TBCD: variants seen among roughly 807,000 people sequenced by gnomAD.
TBCD encodes tubulin folding cofactor D.
TBCD carries 105 observed loss-of-function variants against 169.3 expected under a neutral mutation model. The ratio of observed to expected loss-of-function variants is 0.62; its 90% CI spans 0.53 to 0.73. TBCD has a LOEUF of 0.73. Among genes scored for constraint, TBCD ranks in the 30% least tolerant of loss-of-function variants. The probability of loss-of-function intolerance (pLI) is 0.00; values close to 1 mark genes in which losing one functional copy is unlikely to be tolerated. For synonymous variants in TBCD, 700 were observed against 643.9 expected, an observed-to-expected ratio of 1.09 and a Z score of -1.32; for missense variants, 1,444 against 1,600.1, an observed-to-expected ratio of 0.90 and a Z score of 1.66.
intron 34 of TBCD, among the ~76,000 whole-genome samples, chr17:82,935,449 TTTCCCTGTGCTGCG>T: frequency 6.6e-6 from 1 of 152,172 alleles, no homozygotes; most frequent in East Asian, 1.9e-4. Context: ...TCACAGGACT[TTTCCCTGTGCTGCG>T]TTCCCAGTGC....
intron 14 of TBCD, among the ~76,000 whole-genome samples, chr17:82,877,955 A>ATAC (rs1345064221): frequency 2.6e-5 from 4 of 152,374 alleles, no homozygotes; most frequent in African/African-American, 9.6e-5. Flanking sequence ...AGTTTCCCAG[A>ATAC]TACTAATCCT....
chr17:82,891,509 C>T (rs2059135821), intron 16 of TBCD, among the ~76,000 whole-genome samples: 1 of 152,226 alleles, frequency 6.6e-6, no homozygotes, highest in Non-Finnish European at 1.5e-5. Flanking sequence ...CGTCTCCCAG[C>T]CCCGCACGGC....
Position 82,911,771 on chromosome 17 carries a change from C to G in TBCD, c.2020C>G (p.Gln674Glu). 1 of 1,613,916 alleles carries G rather than the reference C, an allele frequency of 6.2e-7. No individual in the cohort carries two copies. The highest frequency in any genetic ancestry group is 8.5e-7 in the Non-Finnish European group (1 of 1,179,852). Reference protein sequence around the residue: ...DRQLYRGLGGQLMRQAVCVLI... With the variant: ...DRQLYRGLGGELMRQAVCVLI... ...ATTCCTTTTCAGGGGTCTGGGAGGA[C>G]AGCTCATGAGACAAGCAGGTAAGTC... is the stretch of plus-strand genomic sequence containing the variant. The change falls in exon 23 of 39, where the codon CAG (glutamine) becomes GAG (glutamate). Residue 674 changes from glutamine (Q) to glutamate (E), a missense_variant. Gln to Glu is a conservative substitution (Grantham distance 29). Coordinates refer to ENST00000355528, the MANE Select transcript of TBCD (RefSeq NM_005993.5).
chr17:82,827,116 C>T (rs2052919346), intron 13 of TBCD, among the ~76,000 whole-genome samples: 1 of 152,170 alleles, frequency 6.6e-6, no homozygotes, highest in African/African-American at 2.4e-5. Flanking sequence ...CTTATTCATT[C>T]AAGTCTTATT....
Position 82,806,129 on chromosome 17 carries a change from C to T in TBCD, c.1087+118C>T, listed in dbSNP as rs1004051640. The T allele has an allele frequency of 1.3e-5, 18 of 1,405,108 alleles. No homozygotes were observed. Among genetic ancestry groups the T allele is most frequent in the Middle Eastern group, 2.1e-4 (1 of 4,748 alleles). The allele number at this position is 1,405,108 out of a possible 1,614,324, so 87.0% of individuals were successfully genotyped here. On this transcript the variant is annotated intron_variant, in intron 10 of 38. Transcript: ENST00000355528. The surrounding 1 kb of genome is among the most constrained non-coding windows in gnomAD (Gnocchi z 5.1). ...TGCCGGCACTGTCTGGCCACCCGTCCCCTTCGCTGAGTGCACGGTCACTGC... is the reference window on the plus strand; with the variant it reads ...TGCCGGCACTGTCTGGCCACCCGTCTCCTTCGCTGAGTGCACGGTCACTGC...
intron 15 of TBCD, among the ~76,000 whole-genome samples, chr17:82,886,648 C>T (rs1432698658): frequency 9.1e-4 from 1 of 1,100 alleles, no homozygotes; most frequent in Non-Finnish European, 3.3e-3. Context: ...CCCCTCCCCT[C>T]CCCTCCCCTC....
chr17:82,827,609 TAC>T (rs757732584), intron 13 of TBCD, among the ~76,000 whole-genome samples: 22 of 152,244 alleles, frequency 1.4e-4, no homozygotes, highest in Non-Finnish European at 8.8e-5. Context: ...CAGAAGTGCA[TAC>T]ACACGTGTAC....
At chr17:82,785,704 A>C (rs2677916) in intron 7 of TBCD, among the ~76,000 whole-genome samples, 7,120 of 21,374 alleles carry the variant, frequency 0.33, 1 homozygote, top group East Asian at 0.41. Context: ...GGGGTCCATG[A>C]TGTGTGACTG....
intron 2 of TBCD, among the ~76,000 whole-genome samples, chr17:82,762,798 A>G (rs548503674): frequency 6.6e-6 from 1 of 151,942 alleles, no homozygotes; most frequent in Non-Finnish European, 1.5e-5. Flanking sequence ...TGATGCCATG[A>G]AGATTGTACT....
intron 6 of TBCD, among the ~76,000 whole-genome samples, chr17:82,776,333 C>T (rs542552010): frequency 6.6e-6 from 1 of 152,234 alleles, no homozygotes; most frequent in Non-Finnish European, 1.5e-5. Flanking sequence ...TGCTTGAGCC[C>T]AGAAGGTTGA....
chr17:82,797,678 A>G, intron 7 of TBCD, 79 bp from the exon 8 acceptor site: 1 of 1,098,536 alleles, frequency 9.1e-7, no homozygotes. Context: ...GATGTGATGA[A>G]TTGTTTTCAC....
intron 14 of TBCD, among the ~76,000 whole-genome samples, chr17:82,873,088 C>A (rs1359475241): frequency 6.6e-6 from 1 of 152,266 alleles, no homozygotes; most frequent in Non-Finnish European, 1.5e-5. Context: ...TCCTCACCAC[C>A]TGCTGTGAGG....
At chr17:82,908,865 A>G (rs1461171683) in intron 21 of TBCD, among the ~76,000 whole-genome samples, 2 of 152,280 alleles carry the variant, frequency 1.3e-5, no homozygotes, top group Non-Finnish European at 2.9e-5. Flanking sequence ...CAGTGTGAGC[A>G]TTCAGTAAAT....
intron 7 of TBCD, among the ~76,000 whole-genome samples, chr17:82,796,651 G>A (rs2050127465): frequency 6.6e-6 from 1 of 152,180 alleles, no homozygotes; most frequent in Admixed American, 6.5e-5. Flanking sequence ...TTGATCGTAG[G>A]TGTGGGATCT....
chr17:82,932,258 A>C (rs2062269474), intron 33 of TBCD: 1 of 318,432 alleles, frequency 3.1e-6, no homozygotes, highest in Non-Finnish European at 6.0e-6. Context: ...GAGGTTTCTT[A>C]CATGGTATAG....
rs188284349 is a variant in TBCD at position 82,860,993 on chromosome 17, G to A, written c.1319-9231G>A. 1.3e-4 allele frequency among the ~76,000 whole-genome samples: 20 copies of A among 152,342 alleles called. No homozygotes were observed. The East Asian group carries it at 3.7e-3, about 28-fold the overall frequency. On this transcript the variant is annotated intron_variant, in intron 13 of 38. Coordinates refer to ENST00000355528, the MANE Select transcript of TBCD (RefSeq NM_005993.5). Reference sequence around the variant, plus strand: ...TCTTCAGAATCTGTCACATGCACGTGAATGCTTTATGGCTTTGGTATTCTT... The same window carrying A: ...TCTTCAGAATCTGTCACATGCACGTAAATGCTTTATGGCTTTGGTATTCTT...
intron 21 of TBCD, 23 bp downstream of exon 21, chr17:82,907,844 T>A (rs2146849442): frequency 6.2e-7 from 1 of 1,610,808 alleles, no homozygotes; most frequent in East Asian, 2.2e-5. Context: ...CCTCTGGGTG[T>A]ACCCTCAGGA....
chr17:82,868,064 A>G (rs4986083), intron 13 of TBCD, among the ~76,000 whole-genome samples: 146,371 of 152,226 alleles, frequency 0.96, 70,639 homozygotes, highest in East Asian at 1. Context: ...GTGAGAGCTG[A>G]TGGTGGTCTG....
chr17:82,940,226 C>T (rs527386094), intron 37 of TBCD, among the ~76,000 whole-genome samples: 1 of 140,548 alleles, frequency 7.1e-6, no homozygotes, highest in East Asian at 2.0e-4. Context: ...CGCGCGCACA[C>T]ACACACACAC....
Sources: gnomAD v4.1 joint callset for allele counts (sites outside exome capture counted in the v4.1 genomes callset) on GRCh38, gnomAD v4.1.1 for gene constraint, Gnocchi (gnomAD v3.1) non-coding constraint, MANE v1.5 for transcripts, NCBI Gene and HGNC (gene_info 2026-07-23, HGNC 2026-07-21) for gene names.